ARHGAP32: variants seen among roughly 807,000 people sequenced by gnomAD.
ARHGAP32 encodes rho GTPase-activating protein 32.
In ARHGAP32, 51 loss-of-function variants were observed where a neutral mutation model predicts 186.5. That is an observed-to-expected ratio of 0.27 (90% CI 0.22 to 0.35). ARHGAP32 has a LOEUF of 0.35. Ranked by LOEUF, ARHGAP32 falls within the 10% of genes least tolerant of loss-of-function variation. ARHGAP32 has a pLI of 1.00. For synonymous variants in ARHGAP32, 950 were observed against 964.3 expected, an observed-to-expected ratio of 0.99 and a Z score of 0.27; for missense variants, 2,186 against 2,623.5, an observed-to-expected ratio of 0.83 and a Z score of 3.64.
chr11:129,185,901 C>T (rs1302101626), intron 1 of ARHGAP32, among the ~76,000 whole-genome samples: 1 of 151,914 alleles, frequency 6.6e-6, no homozygotes, highest in Non-Finnish European at 1.5e-5. Flanking sequence ...ATTATGAGAA[C>T]ATGGAAATGG....
chr11:129,102,880 A>G (rs1424310508), intron 5 of ARHGAP32, among the ~76,000 whole-genome samples: 1 of 152,110 alleles, frequency 6.6e-6, no homozygotes, highest in Non-Finnish European at 1.5e-5. Flanking sequence ...CTGGGTATAC[A>G]CCCCCCAAAG....
chr11:128,987,850 T>G (rs910055076), intron 13 of ARHGAP32, among the ~76,000 whole-genome samples, 173 bp downstream of exon 13: 2 of 152,124 alleles, frequency 1.3e-5, no homozygotes, highest in African/African-American at 4.8e-5. Context: ...ATACTACAGA[T>G]GAAAAAAATG....
chr11:129,012,854 TA>T (rs1345859768), intron 11 of ARHGAP32, among the ~76,000 whole-genome samples: 2 of 152,234 alleles, frequency 1.3e-5, no homozygotes, highest in East Asian at 1.9e-4. Flanking sequence ...TTAGCAATTT[TA>T]TAACTGGAAT....
chr11:128,991,617 T>A (rs1002864991), intron 12 of ARHGAP32, among the ~76,000 whole-genome samples: 1 of 152,188 alleles, frequency 6.6e-6, no homozygotes, highest in Non-Finnish European at 1.5e-5. Context: ...CAGCGAATAA[T>A]GACCCAGTCA....
Position 128,969,287 on chromosome 11 carries a change from G to C in ARHGAP32, c.5926C>G (p.His1976Asp). 9 of 1,614,224 alleles carry C rather than the reference G, an allele frequency of 5.6e-6. No individual in the cohort carries two copies. Among genetic ancestry groups the C allele is most frequent in the Non-Finnish European group, 7.6e-6 (9 of 1,180,050 alleles). The stretch of plus-strand genomic sequence containing the variant: ...TCCTCCTTGTAGCAGTCTCTGGAGT[G>C]TTTCTCTGGGGCAGAAGGCTGCCTA... ...WVRQPSAPEK[H>D]SRDCYKEEEH... is the part of the protein sequence containing the mutation. Residue 1976 changes from histidine to aspartate, a missense_variant, in exon 23 of 23, where the codon CAC becomes GAC. Physicochemically the swap from His to Asp is moderately conservative, Grantham distance 81 (BLOSUM62 -1). Coordinates refer to ENST00000682385, the MANE Select transcript of ARHGAP32 (RefSeq NM_001378024.1). The surrounding 1 kb of genome is among the most constrained non-coding windows in gnomAD (Gnocchi z 4.8).
Position 128,968,971 on chromosome 11 carries a change from T to C in ARHGAP32, c.6242A>G (p.Gln2081Arg). Residue 2081 changes from glutamine to arginine, a missense_variant, in exon 23 of 23, where the codon CAA (glutamine) becomes CGA (arginine). Physicochemically the swap from Gln to Arg is conservative, Grantham distance 43. Coordinates refer to ENST00000682385, the MANE Select transcript of ARHGAP32 (RefSeq NM_001378024.1). ...QSRTYATALG[Q>R]GAFLPAELSL... ...CAACTCTGCGGGCAGGAAGGCCCCT[T>C]GACCCAACGCTGTAGCATAGGTCCT... 1 of 1,583,308 alleles carries C rather than the reference T, an allele frequency of 6.3e-7. No individual in the cohort carries two copies. The highest frequency in any genetic ancestry group is 8.6e-7 in the Non-Finnish European group (1 of 1,159,284).
intron 11 of ARHGAP32, among the ~76,000 whole-genome samples, chr11:129,002,805 ATTTTT>A (rs36036048): frequency 1.1e-4 from 12 of 108,078 alleles, no homozygotes; most frequent in African/African-American, 3.2e-4. Context: ...AGGGATGTTG[ATTTTT>A]TTTTTTTTTT....
chr11:129,179,804 G>A (rs1316116985), intron 1 of ARHGAP32, among the ~76,000 whole-genome samples: 2 of 151,842 alleles, frequency 1.3e-5, no homozygotes, highest in Non-Finnish European at 2.9e-5. Flanking sequence ...TGGGGTGGGG[G>A]GACGGGGGAG....
chr11:129,191,994 G>A, intron 1 of ARHGAP32, 89 bp downstream of exon 1: 1 of 1,003,358 alleles, frequency 1.0e-6, no homozygotes, highest in African/African-American at 1.6e-5. Flanking sequence ...AGTCTTATTG[G>A]AAAAAAGACC....
At chr11:129,022,188 T>C in intron 11 of ARHGAP32, among the ~76,000 whole-genome samples, 1 of 152,114 alleles carries the variant, frequency 6.6e-6, no homozygotes, top group East Asian at 1.9e-4. Flanking sequence ...TATACATTAG[T>C]TCTAGAAATT....
chr11:129,139,302 A>G (rs1435500764), intron 2 of ARHGAP32, among the ~76,000 whole-genome samples: 2 of 152,322 alleles, frequency 1.3e-5, no homozygotes, highest in Non-Finnish European at 2.9e-5. Flanking sequence ...CAGCAATAAT[A>G]TGTCCTATTA....
At chr11:129,114,220 C>A (rs1232958303) in intron 5 of ARHGAP32, among the ~76,000 whole-genome samples, 3 of 152,112 alleles carry the variant, frequency 2.0e-5, no homozygotes, top group Non-Finnish European at 4.4e-5. Context: ...TAAGAGGGAG[C>A]TGAACAATGA....
intron 11 of ARHGAP32, among the ~76,000 whole-genome samples, chr11:129,035,058 C>T (rs11221543): frequency 6.6e-6 from 1 of 151,974 alleles, no homozygotes; most frequent in African/African-American, 2.4e-5. Context: ...AAAACATGTG[C>T]TTCCCCTTCC....
At chr11:129,162,723 A>G (rs1352244777) in intron 2 of ARHGAP32, among the ~76,000 whole-genome samples, 1 of 152,184 alleles carries the variant, frequency 6.6e-6, no homozygotes, top group Non-Finnish European at 1.5e-5. Context: ...AGACTTGATG[A>G]TATTTCTTGG....
At chr11:129,257,150 T>C (rs1945264598) in intron 1 of ARHGAP32, among the ~76,000 whole-genome samples, 1 of 152,118 alleles carries the variant, frequency 6.6e-6, no homozygotes, top group African/African-American at 2.4e-5. Context: ...TTAAATTCTA[T>C]TAGAAAGGAA....
chr11:129,065,827 C>CT (rs749417931), intron 7 of ARHGAP32, among the ~76,000 whole-genome samples: 2 of 152,062 alleles, frequency 1.3e-5, no homozygotes, highest in Non-Finnish European at 2.9e-5. Context: ...TTCTCCATGA[C>CT]TCCCAACTGT....
At chr11:129,027,151 T>C (rs1938894478) in intron 11 of ARHGAP32, among the ~76,000 whole-genome samples, 1 of 151,558 alleles carries the variant, frequency 6.6e-6, no homozygotes, top group South Asian at 2.1e-4. Flanking sequence ...ACAGCATGTC[T>C]GCAAATTCTG....
At position 129,129,515 on chromosome 11, in the gene ARHGAP32, G is replaced by A. The variant is rs369633252; in HGVS notation, c.226-4621C>T. On this transcript the variant is annotated intron_variant, in intron 2 of 22. Transcript: ENST00000682385. ...AAGTGAGGAGCCCCTCTGCCCGGCC[G>A]CCACCTGTCTGGGAGGTGTACCCAA... 8.5e-5 allele frequency among the ~76,000 whole-genome samples: 13 copies of A among 152,338 alleles called. No individual in the cohort carries two copies. In the East Asian group the frequency reaches 1.2e-3, roughly 14 times the overall value.
chr11:128,984,502 G>A (rs1945804785), intron 15 of ARHGAP32, among the ~76,000 whole-genome samples: 1 of 152,046 alleles, frequency 6.6e-6, no homozygotes, highest in Admixed American at 6.6e-5. Context: ...CGCTTTTCAA[G>A]AACATCTAAG....
Sources: gnomAD v4.1 joint callset for allele counts (sites outside exome capture counted in the v4.1 genomes callset) on GRCh38, gnomAD v4.1.1 for gene constraint, Gnocchi (gnomAD v3.1) non-coding constraint, MANE v1.5 for transcripts, NCBI Gene and HGNC (gene_info 2026-07-23, HGNC 2026-07-21) for gene names.